Variants in KATNAL2 observed in about 807,000 individuals in gnomAD.
KATNAL2 encodes the protein katanin catalytic subunit A1 like 2, also known as katanin p60 ATPase-containing subunit A-like 2.
A neutral mutation model predicts 76.3 loss-of-function variants in KATNAL2; 52 were observed. That is an observed-to-expected ratio of 0.68 (90% CI 0.55 to 0.86). The LOEUF is 0.86. KATNAL2 is among the 40% of genes least tolerant of loss of function. KATNAL2 has a pLI of 0.00. For missense variants in KATNAL2, 660 were observed against 668.9 expected (o/e 0.99, Z 0.15); for synonymous variants, 243 against 244.2 (o/e 1.00, Z 0.05).
intron 14 of KATNAL2, 139 bp downstream of exon 14, chr18:47,075,507 C>T: frequency 2.0e-6 from 1 of 498,630 alleles, no homozygotes; most frequent in Non-Finnish European, 3.4e-6. Context: ...TTTCTGCAGA[C>T]ACATGGAAAG....
chr18:47,039,100 A>G (rs1197557519), intron 3 of KATNAL2, among the ~76,000 whole-genome samples: 7 of 152,176 alleles, frequency 4.6e-5, no homozygotes, highest in Admixed American at 3.3e-4. Flanking sequence ...GCTTCAAAAT[A>G]TTGCATATAA....
At chr18:47,099,555 G>T in intron 16 of KATNAL2, 150 bp downstream of exon 16, 1 of 680,450 alleles carries the variant, frequency 1.5e-6, no homozygotes, top group African/African-American at 1.8e-5. Flanking sequence ...TCTTCACGAA[G>T]AATAAGCTCC....
intron 3 of KATNAL2, among the ~76,000 whole-genome samples, chr18:47,038,564 C>A (rs56164202): frequency 0.064 from 9,767 of 152,130 alleles, 350 homozygotes; most frequent in Non-Finnish European, 0.081. Flanking sequence ...GACAGGTATG[C>A]GCATTTTTCT....
At chr18:47,075,562 T>C (rs2062178324) in intron 14 of KATNAL2, among the ~76,000 whole-genome samples, 194 bp downstream of exon 14, 2 of 152,230 alleles carry the variant, frequency 1.3e-5, no homozygotes, top group South Asian at 4.1e-4. Flanking sequence ...ATTTAAGTAG[T>C]TTTTATAACC....
Position 47,049,632 on chromosome 18 carries a change from A to T in KATNAL2, c.122+3105A>T, listed in dbSNP as rs547416005. On this transcript the variant is annotated intron_variant, in intron 4 of 17. Coordinates refer to ENST00000683218, the MANE Select transcript of KATNAL2 (RefSeq NM_001387690.1). ...GACTTCTCAGACCATCTGATTTACT[A>T]TGTGCAATGAGAATATCATACTAAA... Among the ~76,000 whole-genome samples the T allele has an allele frequency of 2.0e-5, 3 of 152,362 alleles. No individual in the cohort carries two copies. In the South Asian group the frequency reaches 6.2e-4, roughly 32 times the overall value.
At chr18:46,955,266 G>T (rs2059709914) in intron 3 of KATNAL2, among the ~76,000 whole-genome samples, 1 of 148,156 alleles carries the variant, frequency 6.7e-6, no homozygotes, top group Admixed American at 6.8e-5. Flanking sequence ...GCCCAGGCTG[G>T]AGTGCAATGG....
At chr18:47,079,187 T>C (rs986155195) in intron 15 of KATNAL2, among the ~76,000 whole-genome samples, 8 of 152,218 alleles carry the variant, frequency 5.3e-5, no homozygotes. Context: ...AATGTACATG[T>C]TGAAGAAAAA....
chr18:46,936,220 C>T (rs2059086453), intron 1 of KATNAL2, among the ~76,000 whole-genome samples: 1 of 152,060 alleles, frequency 6.6e-6, no homozygotes, highest in Non-Finnish European at 1.5e-5. Context: ...GATTAACAAA[C>T]ATAACCCAAT....
rs193194632 is a variant in KATNAL2, at chr18:46,948,526, G to A, written c.51+1603G>A. Reference sequence around the variant, plus strand: ...CGCAACCTCTGCCTCCTGGTTTCAAGTGATTCTCCTGCCTCAGCCTCCCGA... The same window carrying A: ...CGCAACCTCTGCCTCCTGGTTTCAAATGATTCTCCTGCCTCAGCCTCCCGA... On this transcript the variant is annotated intron_variant, in intron 3 of 17. Coordinates refer to ENST00000683218, the MANE Select transcript of KATNAL2 (RefSeq NM_001387690.1). Among the ~76,000 whole-genome samples the A allele has an allele frequency of 6.6e-3, 992 of 150,914 alleles. 8 individuals are homozygous for A. The highest frequency in any genetic ancestry group is 0.023 in the African/African-American group (956 of 40,970).
At chr18:47,039,794 C>G (rs1039032416) in intron 3 of KATNAL2, among the ~76,000 whole-genome samples, 3 of 152,212 alleles carry the variant, frequency 2.0e-5, no homozygotes, top group Non-Finnish European at 2.9e-5. Context: ...AAGCAACTAA[C>G]AGCTATTGGG....
rs369401302 is a variant in KATNAL2 at position 46,928,117 on chromosome 18, G to A, written c.-510+10191G>A. On this transcript the variant is annotated intron_variant, in intron 1 of 17. Transcript: ENST00000683218. ...GTCATTCTCCATCCAGCTTTGTTCC[G>A]TTGCTGGTGAGGAGCTGCGTTCCTT... is the stretch of plus-strand genomic sequence containing the variant. 9.9e-5 allele frequency among the ~76,000 whole-genome samples: 15 copies of A among 152,242 alleles called. No individual in the cohort carries two copies. In the South Asian group the frequency reaches 1.0e-3, roughly 11 times the overall value.
intron 3 of KATNAL2, among the ~76,000 whole-genome samples, chr18:46,967,809 G>A (rs2146858404): frequency 8.7e-6 from 1 of 114,842 alleles, no homozygotes; most frequent in South Asian, 2.6e-4. Flanking sequence ...TTTCACAGGG[G>A]TTCTGGCTGA....
intron 13 of KATNAL2, among the ~76,000 whole-genome samples, chr18:47,074,468 C>T (rs1244537153): frequency 6.6e-6 from 1 of 152,062 alleles, no homozygotes; most frequent in Non-Finnish European, 1.5e-5. Flanking sequence ...TTTTAAATCT[C>T]CACTGTTTTT....
At chr18:46,934,218 G>A (rs1482393815) in intron 1 of KATNAL2, among the ~76,000 whole-genome samples, 5 of 152,122 alleles carry the variant, frequency 3.3e-5, no homozygotes, top group Non-Finnish European at 7.4e-5. Context: ...CTGAGGAATC[G>A]CCACACTGAC....
intron 1 of KATNAL2, among the ~76,000 whole-genome samples, chr18:46,927,836 C>T (rs1050043245): frequency 2.6e-5 from 4 of 152,116 alleles, no homozygotes; most frequent in Non-Finnish European, 5.9e-5. Context: ...TCATTCATTT[C>T]GTGTTCCATC....
chr18:47,049,269 G>A (rs1331676295), intron 4 of KATNAL2, among the ~76,000 whole-genome samples: 2 of 152,210 alleles, frequency 1.3e-5, no homozygotes, highest in East Asian at 1.9e-4. Flanking sequence ...CCATTATTAC[G>A]AGGATTAAAT....
chr18:47,092,982 C>T (rs1186181142), intron 15 of KATNAL2, among the ~76,000 whole-genome samples: 1 of 152,182 alleles, frequency 6.6e-6, no homozygotes, highest in African/African-American at 2.4e-5. Context: ...AATTATTTCT[C>T]ATCTGAATTC....
intron 15 of KATNAL2, among the ~76,000 whole-genome samples, chr18:47,087,766 G>A (rs1320002346): frequency 2.0e-5 from 3 of 151,982 alleles, no homozygotes; most frequent in Non-Finnish European, 4.4e-5. Flanking sequence ...GTGTGTGTGT[G>A]TGTGTGTGTG....
intron 8 of KATNAL2, among the ~76,000 whole-genome samples, chr18:47,061,861 ATTATT>A: frequency 8.9e-6 from 1 of 112,874 alleles, no homozygotes; most frequent in Admixed American, 1.0e-4. Context: ...AACTATTATT[ATTATT>A]TTTTTTTTTG....
Sources: gnomAD v4.1 joint callset for allele counts (sites outside exome capture counted in the v4.1 genomes callset) on GRCh38, gnomAD v4.1.1 for gene constraint, MANE v1.5 for transcripts, NCBI Gene and HGNC (gene_info 2026-07-23, HGNC 2026-07-21) for gene names.